The following EZR variants were observed in gnomAD, a reference collection of about 807,000 sequenced individuals.
The protein encoded by EZR is ezrin.
In EZR, 40 loss-of-function variants were observed where a neutral mutation model predicts 74.8. That is an observed-to-expected ratio of 0.53 (90% CI 0.42 to 0.70). The LOEUF is 0.70. EZR is among the 30% of genes least tolerant of loss of function. EZR has a pLI of 0.00. For synonymous variants in EZR, 341 were observed against 283.3 expected, an observed-to-expected ratio of 1.20 and a Z score of -2.05; for missense variants, 678 against 755.8, an observed-to-expected ratio of 0.90 and a Z score of 1.21.
chr6:158,818,061 C>A, intron 2 of EZR, 21 bp downstream of exon 2: 1 of 1,608,670 alleles, frequency 6.2e-7, no homozygotes, highest in Non-Finnish European at 8.5e-7. Context: ...GTCCGCCCGG[C>A]CCAGAAACTG....
chr6:158,768,029 C>CG lies in EZR; in HGVS notation c.1345-518dup, dbSNP rs890157578. On this transcript the variant is annotated intron_variant, in intron 12 of 13. Coordinates refer to ENST00000367075, the MANE Select transcript of EZR (RefSeq NM_001111077.2). Reference sequence around the variant, plus strand: ...CAAAAACCTAAGAACCAAAGTCTTCCGCTTGCAACTTGGGATGGTGATATG... The same window carrying CG: ...CAAAAACCTAAGAACCAAAGTCTTCCGGCTTGCAACTTGGGATGGTGATATG... Among the ~76,000 whole-genome samples, 15 of 151,916 alleles carry CG rather than the reference C, an allele frequency of 9.9e-5. 1 individual carries two copies. In the Middle Eastern group the frequency reaches 0.014, roughly 138 times the overall value.
At chr6:158,812,510 A>C (rs1021935148) in intron 2 of EZR, among the ~76,000 whole-genome samples, 3 of 152,186 alleles carry the variant, frequency 2.0e-5, no homozygotes, top group Non-Finnish European at 4.4e-5. Context: ...AGAACACTGC[A>C]CTAAATTAAC....
intron 2 of EZR, among the ~76,000 whole-genome samples, chr6:158,797,671 C>T (rs185343860): frequency 3.5e-4 from 54 of 152,296 alleles, no homozygotes; most frequent in African/African-American, 1.2e-3. Context: ...AATTTTCTCC[C>T]ACAAATGGGA....
At chr6:158,782,578 T>TG (rs979906561) in intron 7 of EZR, among the ~76,000 whole-genome samples, 1 of 152,178 alleles carries the variant, frequency 6.6e-6, no homozygotes, top group Non-Finnish European at 1.5e-5. Context: ...AGGCAGGGCT[T>TG]GGCAAAAAGA....
intron 2 of EZR, among the ~76,000 whole-genome samples, chr6:158,801,146 C>T (rs951779531): frequency 3.9e-5 from 6 of 152,146 alleles, no homozygotes; most frequent in African/African-American, 1.4e-4. Flanking sequence ...GAGACAGGGT[C>T]TCGCTCTGTC....
Position 158,769,485 on chromosome 6 carries a change from G to C in EZR, c.1252-67C>G, listed in dbSNP as rs1791027723. The C allele has an allele frequency of 2.0e-6, 3 of 1,465,070 alleles. No homozygotes were observed. In the Admixed American group the frequency reaches 5.3e-5, roughly 26 times the overall value. The allele number at this position is 1,465,070 out of a possible 1,614,324, so 90.8% of individuals were successfully genotyped here. A position where few individuals can be genotyped will look rare whatever the true frequency, so the allele number is the denominator to read the frequency against. ...TTCAACGGAGTCCAGTTGTGAATGA[G>C]TGTTCATGTGTGTTGGCAAGCAGTC... On this transcript the variant is annotated intron_variant, in intron 11 of 13. Transcript: ENST00000367075.
At chr6:158,796,350 A>C (rs1777069979) in intron 2 of EZR, among the ~76,000 whole-genome samples, 1 of 152,262 alleles carries the variant, frequency 6.6e-6, no homozygotes, top group South Asian at 2.1e-4. Context: ...AATTCGCCTT[A>C]TTAAAACAAA....
chr6:158,799,794 G>T (rs893718558), intron 2 of EZR, among the ~76,000 whole-genome samples: 4 of 152,248 alleles, frequency 2.6e-5, no homozygotes, highest in Admixed American at 1.3e-4. Flanking sequence ...CAAGTGAATT[G>T]TCTGTAGGTT....
chr6:158,767,224 G>GGC, intron 13 of EZR, 37 bp downstream of exon 13: 1 of 1,593,508 alleles, frequency 6.3e-7, no homozygotes, highest in Non-Finnish European at 8.6e-7. Flanking sequence ...CCAAAAGCGA[G>GGC]GCAGGCTCCC....
chr6:158,776,907 T>C (rs1328186235), intron 7 of EZR, among the ~76,000 whole-genome samples: 1 of 152,212 alleles, frequency 6.6e-6, no homozygotes, highest in Non-Finnish European at 1.5e-5. Flanking sequence ...TCTCAAGCTG[T>C]GTGCTGGAGC....
At chr6:158,794,497 G>C (rs1214244583) in intron 2 of EZR, among the ~76,000 whole-genome samples, 1 of 152,070 alleles carries the variant, frequency 6.6e-6, no homozygotes, top group Non-Finnish European at 1.5e-5. Context: ...GATGGTACTG[G>C]GACTGTATGA....
intron 2 of EZR, among the ~76,000 whole-genome samples, chr6:158,805,579 C>T (rs1777320029): frequency 6.6e-6 from 1 of 152,098 alleles, no homozygotes; most frequent in African/African-American, 2.4e-5. Context: ...CAAAAATTAG[C>T]AAGACCAAAG....
intron 2 of EZR, among the ~76,000 whole-genome samples, chr6:158,792,636 G>A (rs1283470547): frequency 4.6e-5 from 7 of 151,930 alleles, no homozygotes; most frequent in Non-Finnish European, 8.8e-5. Flanking sequence ...TGGCTAACAC[G>A]ATGAAACCCC....
chr6:158,799,723 A>G (rs1777151205), intron 2 of EZR, among the ~76,000 whole-genome samples: 1 of 152,276 alleles, frequency 6.6e-6, no homozygotes, highest in African/African-American at 2.4e-5. Flanking sequence ...CAACCAGCTT[A>G]GTGCAGAAAT....
chr6:158,790,686 C>CAAACAA (rs1554273741), intron 2 of EZR, among the ~76,000 whole-genome samples: 1,235 of 113,212 alleles, frequency 0.011, 31 homozygotes, highest in African/African-American at 0.035. Context: ...AACAAACAAA[C>CAAACAA]AAAAAAAACC....
intron 12 of EZR, among the ~76,000 whole-genome samples, chr6:158,768,804 G>T (rs1313497840): frequency 6.6e-6 from 1 of 152,190 alleles, no homozygotes; most frequent in African/African-American, 2.4e-5. Context: ...GGAAAATGAG[G>T]CTTGAAGAAG....
chr6:158,807,466 A>C (rs1024266311), intron 2 of EZR, among the ~76,000 whole-genome samples: 4 of 152,232 alleles, frequency 2.6e-5, no homozygotes, highest in African/African-American at 9.6e-5. Flanking sequence ...AGGATGGAAG[A>C]GTAAGTGGGT....
chr6:158,776,413 C>A lies in EZR; in HGVS notation c.790G>T (p.Ala264Ser), dbSNP rs1204804531. 5 of 1,612,914 alleles carry A rather than the reference C, an allele frequency of 3.1e-6. No individual in the cohort carries two copies. The highest frequency in any genetic ancestry group is 4.2e-6 in the Non-Finnish European group (5 of 1,178,940). ...TAGAATCCTTTGGAACTTACAGGTG[C>A]CTTCTTGTCGATGGGTTTAATGACA... Reference protein sequence around the residue: ...KFVIKPIDKKAPDFVFYAPRL... With the variant: ...KFVIKPIDKKSPDFVFYAPRL... The change falls in exon 8 of 14, where the codon GCA (alanine) becomes TCA (serine). Residue 264 changes from alanine to serine, a missense_variant. Ala to Ser is a moderately conservative substitution (Grantham distance 99). Coordinates refer to ENST00000367075, the MANE Select transcript of EZR (RefSeq NM_001111077.2).
rs1351328272 is a variant in EZR, at chr6:158,785,560, C to G, written c.216G>C (p.Lys72Asn). The change falls in exon 5 of 14, where the codon AAG becomes AAC. Residue 72 changes from lysine (K) to asparagine (N), a missense_variant. Physicochemically the swap from Lys to Asn is moderately conservative, Grantham distance 94. This residue lies in a region of EZR where 217 missense variants were observed against 232.2 expected (regional missense o/e 0.93). Coordinates refer to ENST00000367075, the MANE Select transcript of EZR (RefSeq NM_001111077.2). The stretch of plus-strand genomic sequence containing the variant: ...GGAACTTGAACTGGAGGGGATTCTC[C>G]TTCCTGACCTCCTGGGCAGACACCT... Reference protein sequence around the residue: ...DKKVSAQEVRKENPLQFKFRA... With the variant: ...DKKVSAQEVRNENPLQFKFRA... The G allele has an allele frequency of 1.2e-6, 2 of 1,613,950 alleles. No individual in the cohort carries two copies. The highest frequency in any genetic ancestry group is 2.7e-5 in the African/African-American group (2 of 74,906).
Sources: allele counts gnomAD v4.1 joint callset (sites outside exome capture counted in the v4.1 genomes callset), GRCh38; gene constraint gnomAD v4.1.1; regional missense constraint gnomAD v4.1.1; transcripts MANE v1.5; gene names NCBI Gene and HGNC (gene_info 2026-07-23, HGNC 2026-07-21).